Variants in CD38 observed in about 807,000 individuals in gnomAD.
CD38 encodes the protein ADP-ribosyl cyclase/cyclic ADP-ribose hydrolase 1.
A neutral mutation model predicts 36.3 loss-of-function variants in CD38; 31 were observed. The ratio of observed to expected loss-of-function variants is 0.85; its 90% confidence interval spans 0.64 to 1.15. The LOEUF is 1.15. CD38 is among the 50% of genes most tolerant of loss of function. CD38 has a pLI of 0.00. For missense variants in CD38, 380 were observed against 371.9 expected (o/e 1.02, Z -0.18); for synonymous variants, 131 against 135.2 (o/e 0.97, Z 0.22).
intron 1 of CD38, among the ~76,000 whole-genome samples, chr4:15,786,187 A>C (rs144571413): frequency 2.0e-5 from 3 of 152,326 alleles, no homozygotes; most frequent in Non-Finnish European, 4.4e-5. Context: ...CCCAGTGTAG[A>C]AGTGTAGAAC....
At chr4:15,826,470 C>CGT (rs1490026804) in intron 3 of CD38, among the ~76,000 whole-genome samples, 1 of 151,588 alleles carries the variant, frequency 6.6e-6, no homozygotes, top group African/African-American at 2.4e-5. Context: ...CACACACACA[C>CGT]ACACACACAC....
chr4:15,847,104 G>A (rs1724270199), intron 7 of CD38, among the ~76,000 whole-genome samples: 1 of 14,000 alleles, frequency 7.1e-5, no homozygotes. Context: ...AAAGACACAT[G>A]CACACGTATG....
rs1400098644 is a variant in CD38, at chr4:15,778,444, C to T, written c.30C>T (p.Ser10=). The T allele has an allele frequency of 3.1e-6, 5 of 1,613,942 alleles. No homozygotes were observed. The highest frequency in any genetic ancestry group is 4.2e-6 in the Non-Finnish European group (5 of 1,179,978). The change falls in exon 1 of 8, where the codon TCC becomes TCT. Residue 10 remains serine, a synonymous_variant. Transcript: ENST00000226279. This position sits in a 1 kb window ranked among gnomAD's most constrained non-coding sequence, Gnocchi z 4.9. MANCEFSPV[S]GDKPCCRLSR... The stretch of plus-strand genomic sequence containing the variant: ...CCAACTGCGAGTTCAGCCCGGTGTC[C>T]GGGGACAAACCCTGCTGCCGGCTCT...
chr4:15,816,988 GT>G (rs1723615894), intron 2 of CD38, among the ~76,000 whole-genome samples: 1 of 152,124 alleles, frequency 6.6e-6, no homozygotes, highest in Non-Finnish European at 1.5e-5. Flanking sequence ...GATAATAATA[GT>G]AGTAGTAGTA....
At position 15,849,481 on chromosome 4, in the gene CD38, A is replaced by G. The variant is rs1388748246; in HGVS notation, c.*879A>G. 6.6e-6 allele frequency: 1 copy of G among 152,202 alleles called. No individual in the cohort carries two copies. The highest frequency in any genetic ancestry group is 1.5e-5 in the Non-Finnish European group (1 of 68,044). 9.4% of individuals were successfully genotyped at this position (152,202 alleles called of 1,614,324 possible). Reference sequence around the variant, plus strand: ...TAAATTGACTAGAATGGAATCTGGAATATAGTTCTTCTGGATGGCTCCAAA... The same window carrying G: ...TAAATTGACTAGAATGGAATCTGGAGTATAGTTCTTCTGGATGGCTCCAAA... On this transcript the variant is annotated 3_prime_UTR_variant, in exon 8 of 8. Coordinates refer to ENST00000226279, the MANE Select transcript of CD38 (RefSeq NM_001775.4).
At chr4:15,837,716 T>C (rs1180434169) in intron 4 of CD38, among the ~76,000 whole-genome samples, 1 of 152,176 alleles carries the variant, frequency 6.6e-6, no homozygotes, top group Non-Finnish European at 1.5e-5. Context: ...CCCTGAATCA[T>C]CCACCTGTTC....
chr4:15,806,925 T>C (rs1306666955), intron 1 of CD38, among the ~76,000 whole-genome samples: 4 of 152,180 alleles, frequency 2.6e-5, no homozygotes, highest in African/African-American at 9.7e-5. Flanking sequence ...ATCACGGAGC[T>C]TTGGCCAAGC....
intron 2 of CD38, among the ~76,000 whole-genome samples, chr4:15,820,414 G>T (rs1490509332): frequency 6.6e-6 from 1 of 152,096 alleles, no homozygotes; most frequent in Non-Finnish European, 1.5e-5. Context: ...GGATAGTCAA[G>T]ATCAATTGGT....
Position 15,838,084 on chromosome 4 carries a change from T to C in CD38, c.586-8T>C. 6.2e-7 allele frequency: 1 copy of C among 1,611,782 alleles called. No homozygotes were observed. The highest frequency in any genetic ancestry group is 8.5e-7 in the Non-Finnish European group (1 of 1,178,904). ...GCATGATGAATGGTGGGCATTTTTT[T>C]TTTTAAGTTTGCAGAAGCTGCCTGT... On this transcript the variant is annotated splice_region_variant and splice_polypyrimidine_tract_variant and intron_variant, in intron 4 of 7. Coordinates refer to ENST00000226279, the MANE Select transcript of CD38 (RefSeq NM_001775.4).
intron 1 of CD38, among the ~76,000 whole-genome samples, chr4:15,785,848 C>T (rs1400279479): frequency 1.3e-5 from 2 of 152,164 alleles, no homozygotes; most frequent in Non-Finnish European, 2.9e-5. Flanking sequence ...TGTTACAGTT[C>T]TTAAAGGTGG....
rs1398562725 is a variant in CD38, at chr4:15,849,150, T to C, written c.*548T>C. 6.6e-6 allele frequency: 1 copy of C among 152,260 alleles called. No homozygotes were observed. The highest frequency in any genetic ancestry group is 1.5e-5 in the Non-Finnish European group (1 of 68,076). The allele number at this position is 152,260 out of a possible 1,614,324, so 9.4% of individuals were successfully genotyped here. On this transcript the variant is annotated 3_prime_UTR_variant, in exon 8 of 8. Coordinates refer to ENST00000226279, the MANE Select transcript of CD38 (RefSeq NM_001775.4). The stretch of plus-strand genomic sequence containing the variant: ...GTACTTGGTGCTTTACCCCAACCCT[T>C]CCAACAGTGCTGTGAGGTTGGTATT...
At chr4:15,838,057 T>A (rs11574925) in intron 4 of CD38, 35 bp from the exon 5 acceptor site, 23 of 1,557,898 alleles carry the variant, frequency 1.5e-5, no homozygotes, top group Non-Finnish European at 2.0e-5. Context: ...GTGATTAAGT[T>A]TGCATGATGA....
In CD38 at chr4:15,852,342, G is replaced by A. The variant is rs1037533350; in HGVS notation, c.*3740G>A. ...CCATGTCTGCACACTGTGATACAAG[G>A]GGGACAGCATCGACATCGACTTACT... is the stretch of plus-strand genomic sequence containing the variant. On this transcript the variant is annotated 3_prime_UTR_variant, in exon 8 of 8. Transcript: ENST00000226279. The A allele has an allele frequency of 6.6e-6, 1 of 152,170 alleles. No homozygotes were observed. The highest frequency in any genetic ancestry group is 2.4e-5 in the African/African-American group (1 of 41,440). 9.4% of individuals were successfully genotyped at this position (152,170 alleles called of 1,614,324 possible).
chr4:15,849,327 G>T lies in CD38; in HGVS notation c.*725G>T, dbSNP rs1448479466. 1.3e-5 allele frequency: 2 copies of T among 152,174 alleles called. No individual in the cohort carries two copies. Among genetic ancestry groups the T allele is most frequent in the East Asian group, 3.8e-4 (2 of 5,202 alleles). The allele number at this position is 152,174 out of a possible 1,614,324, so 9.4% of individuals were successfully genotyped here. ...TAATTTACCGTAAGTCCTACATTTA[G>T]TATCAAGCTAGAGACTGAATTTGAA... On this transcript the variant is annotated 3_prime_UTR_variant, in exon 8 of 8. Coordinates refer to ENST00000226279, the MANE Select transcript of CD38 (RefSeq NM_001775.4).
intron 1 of CD38, among the ~76,000 whole-genome samples, chr4:15,780,643 A>G (rs1159967092): frequency 2.0e-5 from 3 of 151,928 alleles, no homozygotes; most frequent in Non-Finnish European, 2.9e-5. Context: ...GGACTCGATC[A>G]TTGCCTTGAG....
At chr4:15,800,672 A>G (rs1464615328) in intron 1 of CD38, among the ~76,000 whole-genome samples, 1 of 152,196 alleles carries the variant, frequency 6.6e-6, no homozygotes, top group Non-Finnish European at 1.5e-5. Context: ...CATACTCCAG[A>G]ATGACCAATG....
chr4:15,820,858 GTCTCCATGCCAAAGCAACAGA>G (rs1723717059), intron 2 of CD38, among the ~76,000 whole-genome samples: 1 of 152,184 alleles, frequency 6.6e-6, no homozygotes, highest in Admixed American at 6.6e-5. Flanking sequence ...ATCTACTGAA[GTCTCCATGCCAAAGCAACAGA>G]ATATACATTA....
In CD38 at chr4:15,824,324, TA is replaced by T. The variant is rs541493043; in HGVS notation, c.364-553del. Among the ~76,000 whole-genome samples the T allele has an allele frequency of 2.4e-3, 367 of 152,190 alleles. 1 individual carries two copies. Among genetic ancestry groups the T allele is most frequent in the African/African-American group, 8.7e-3 (361 of 41,520 alleles). ...ACATGCCCAGGATATACATTTTATT[TA>T]AAATAAAAATAAAAATAATAGATTC... is the stretch of plus-strand genomic sequence containing the variant. On this transcript the variant is annotated intron_variant, in intron 2 of 7. Transcript: ENST00000226279.
intron 1 of CD38, among the ~76,000 whole-genome samples, chr4:15,795,016 A>T (rs1358547361): frequency 6.6e-6 from 1 of 152,178 alleles, no homozygotes; most frequent in African/African-American, 2.4e-5. Context: ...TTAAATAGGT[A>T]TCAGTTGAAT....
Sources: allele counts gnomAD v4.1 joint callset (sites outside exome capture counted in the v4.1 genomes callset), GRCh38; gene constraint gnomAD v4.1.1; non-coding constraint Gnocchi (gnomAD v3.1); transcripts MANE v1.5; gene names NCBI Gene and HGNC (gene_info 2026-07-23, HGNC 2026-07-21).